Variants in NOTCH2NLC observed in about 807,000 individuals in gnomAD.
The protein encoded by NOTCH2NLC is notch homolog 2 N-terminal-like protein C.
Under a neutral mutation model 17.7 loss-of-function variants are expected in NOTCH2NLC, and 4 were observed. That is an observed-to-expected ratio of 0.23 (90% CI 0.11 to 0.52). The LOEUF (loss-of-function observed/expected upper bound fraction) is 0.52. NOTCH2NLC is among the 20% of genes least tolerant of loss of function. The pLI is 0.96. For missense variants in NOTCH2NLC, 57 were observed against 207.2 expected, an observed-to-expected ratio of 0.28 and a Z score of 4.45; for synonymous variants, 18 against 86.0, an observed-to-expected ratio of 0.21 and a Z score of 4.38.
chr1:149,449,329 T>C lies in NOTCH2NLC; in HGVS notation c.210-5989T>C, dbSNP rs1249526731. ...TACATAGTTAAGTACTTAGAAAATA[T>C]GTTTTCAGTTACTTCGGGTATATAC... On this transcript the variant is annotated intron_variant, in intron 2 of 4. Coordinates refer to ENST00000650865, the MANE Select transcript of NOTCH2NLC (RefSeq NM_001364013.2). Among the ~76,000 whole-genome samples the C allele has an allele frequency of 8.0e-5, 12 of 149,700 alleles. 1 individual carries two copies. The highest frequency in any genetic ancestry group is 2.0e-4 in the African/African-American group (8 of 40,746).
At chr1:149,454,789 G>C (rs2101507096) in intron 2 of NOTCH2NLC, among the ~76,000 whole-genome samples, 1 of 150,172 alleles carries the variant, frequency 6.7e-6, no homozygotes, top group Admixed American at 6.7e-5. Context: ...GGAAATAAGA[G>C]AAAGAAGCAC....
rs1295794590 is a variant in NOTCH2NLC, at chr1:149,460,400, G to A, written c.470-3091G>A. Among the ~76,000 whole-genome samples the A allele has an allele frequency of 5.0e-5, 7 of 141,096 alleles. 1 individual carries two copies. Among genetic ancestry groups the A allele is most frequent in the South Asian group, 4.7e-4 (2 of 4,284 alleles). The allele number at this position is 141,096 out of a possible 152,430, so 92.6% of individuals were successfully genotyped here. On this transcript the variant is annotated intron_variant, in intron 3 of 4. Coordinates refer to ENST00000650865, the MANE Select transcript of NOTCH2NLC (RefSeq NM_001364013.2). The stretch of plus-strand genomic sequence containing the variant: ...TGTCATCCAGGCTGGAGTGCAGGGC[G>A]CAATCTCGGTTCACTGCAAGCTCCA...
chr1:149,437,802 G>A (rs1374988194), intron 2 of NOTCH2NLC, among the ~76,000 whole-genome samples: 2 of 151,720 alleles, frequency 1.3e-5, no homozygotes, highest in Non-Finnish European at 2.9e-5. Context: ...ACTTAAGTTT[G>A]AGTCCTGATT....
chr1:149,393,217 T>G (rs1473321282), intron 1 of NOTCH2NLC, among the ~76,000 whole-genome samples: 3 of 150,554 alleles, frequency 2.0e-5, no homozygotes, highest in Admixed American at 2.0e-4. Context: ...GATTATTAGC[T>G]AGCTTTTAGG....
rs1264699799 is a variant in NOTCH2NLC at position 149,391,049 on chromosome 1, TC to T, written c.135+128del. ...GGCCGCCGGCGCGGAGCGAGGCCAC[TC>T]GCTGGGTTCCCGAGAGTTTGGACAT... is the stretch of plus-strand genomic sequence containing the variant. On this transcript the variant is annotated intron_variant, in intron 1 of 4. Coordinates refer to ENST00000650865, the MANE Select transcript of NOTCH2NLC (RefSeq NM_001364013.2). 30 of 842,160 alleles carry T rather than the reference TC, an allele frequency of 3.6e-5. No homozygotes were observed. In the Admixed American group the frequency reaches 3.6e-4, roughly 10 times the overall value. The allele number at this position is 842,160 out of a possible 1,614,324, so 52.2% of individuals were successfully genotyped here. A position where few individuals can be genotyped will look rare whatever the true frequency, so the allele number is the denominator to read the frequency against.
chr1:149,433,852 G>A (rs1432700616), intron 2 of NOTCH2NLC, among the ~76,000 whole-genome samples: 998 of 119,118 alleles, frequency 8.4e-3, no homozygotes, highest in Non-Finnish European at 0.012. Flanking sequence ...GGAGGCTGAG[G>A]CAGGAGAATG....
intron 3 of NOTCH2NLC, among the ~76,000 whole-genome samples, chr1:149,461,077 G>T (rs1206852641): frequency 6.7e-6 from 1 of 149,794 alleles, no homozygotes; most frequent in Non-Finnish European, 1.5e-5. Flanking sequence ...TGGGATTACA[G>T]GTATGTGCTA....
At chr1:149,420,022 A>G (rs1386590000) in intron 1 of NOTCH2NLC, among the ~76,000 whole-genome samples, 1 of 144,960 alleles carries the variant, frequency 6.9e-6, no homozygotes, top group African/African-American at 2.5e-5. Context: ...ACCCGCCACC[A>G]TGCCCAGCTA....
At chr1:149,460,856 T>TTTCTTTCTTTCTTTCC (rs2084641569) in intron 3 of NOTCH2NLC, among the ~76,000 whole-genome samples, 148 of 944 alleles carry the variant, frequency 0.16, 7 homozygotes, top group Middle Eastern at 0.5. Context: ...TCTTTCTCCC[T>TTTCTTTCTTTCTTTCC]TTCTTTCTTT....
chr1:149,414,632 C>CT (rs2084320388), intron 1 of NOTCH2NLC, among the ~76,000 whole-genome samples: 1 of 150,328 alleles, frequency 6.7e-6, no homozygotes, highest in South Asian at 2.1e-4. Context: ...TATGTTAACT[C>CT]TAAGTAAAGC....
intron 1 of NOTCH2NLC, among the ~76,000 whole-genome samples, chr1:149,415,111 G>T: frequency 9.1e-6 from 1 of 109,358 alleles, no homozygotes; most frequent in Non-Finnish European, 1.8e-5. Context: ...TTAGGGCTTG[G>T]TAAAGGCTCC....
intron 1 of NOTCH2NLC, among the ~76,000 whole-genome samples, chr1:149,409,328 A>ATGTGTG (rs1196474216): frequency 2.3e-4 from 33 of 143,748 alleles, no homozygotes; most frequent in African/African-American, 8.4e-4. Flanking sequence ...GTGTGTGTGC[A>ATGTGTG]TGTGTGTGTG....
intron 2 of NOTCH2NLC, among the ~76,000 whole-genome samples, chr1:149,437,667 G>A (rs2084490158): frequency 6.8e-6 from 1 of 147,478 alleles, no homozygotes; most frequent in Admixed American, 6.8e-5. Flanking sequence ...GTTTCACTGT[G>A]TTAGCCAGGA....
intron 1 of NOTCH2NLC, among the ~76,000 whole-genome samples, chr1:149,419,857 T>A (rs1224230546): frequency 0.057 from 4,003 of 70,106 alleles, 41 homozygotes; most frequent in South Asian, 0.071. Context: ...ATATATATAT[T>A]TTTTTTTTTT....
intron 1 of NOTCH2NLC, 91 bp from the exon 2 acceptor site, chr1:149,430,851 A>T: frequency 4.0e-6 from 1 of 250,190 alleles, no homozygotes; most frequent in Admixed American, 5.7e-5. Context: ...ATGAATGCTG[A>T]TCTGGATTGG....
In NOTCH2NLC at chr1:149,466,190, A is replaced by G. The variant is rs2084681826; in HGVS notation, c.*2037A>G. The G allele has an allele frequency of 1.5e-5, 2 of 134,648 alleles. No homozygotes were observed. The highest frequency in any genetic ancestry group is 2.8e-5 in the African/African-American group (1 of 35,800). The allele number at this position is 134,648 out of a possible 1,614,324, so 8.3% of individuals were successfully genotyped here. ...TGGGTTAAAAATATATGTTCATGTT[A>G]TAAGAAAACCAAGACACTCCTAATT... On this transcript the variant is annotated 3_prime_UTR_variant, in exon 5 of 5. Coordinates refer to ENST00000650865, the MANE Select transcript of NOTCH2NLC (RefSeq NM_001364013.2).
chr1:149,459,300 A>G (rs1434670561), intron 3 of NOTCH2NLC, among the ~76,000 whole-genome samples: 53 of 140,622 alleles, frequency 3.8e-4, no homozygotes, highest in Admixed American at 6.6e-4. Context: ...GCCACCAAGT[A>G]GCTGGCTGAT....
intron 1 of NOTCH2NLC, among the ~76,000 whole-genome samples, chr1:149,399,825 A>T (rs1190160139): frequency 6.8e-6 from 1 of 146,796 alleles, no homozygotes; most frequent in Non-Finnish European, 1.5e-5. Context: ...AGTTGTAACT[A>T]AAAACAAACA....
chr1:149,460,333 CTTTTTTTTTTT>C (rs1226789458), intron 3 of NOTCH2NLC, among the ~76,000 whole-genome samples: 7 of 92,898 alleles, frequency 7.5e-5, no homozygotes, highest in African/African-American at 3.0e-4. Context: ...TTCTGATCAC[CTTTTTTTTTTT>C]TTTTTTTTTT....
Sources: allele counts gnomAD v4.1 joint callset (sites outside exome capture counted in the v4.1 genomes callset), GRCh38; gene constraint gnomAD v4.1.1; transcripts MANE v1.5; gene names NCBI Gene and HGNC (gene_info 2026-07-23, HGNC 2026-07-21).